The following RFX3 variants were observed in gnomAD, a reference collection of about 807,000 sequenced individuals.
The protein encoded by RFX3 is regulatory factor X3.
RFX3 carries 14 observed loss-of-function variants against 98.6 expected under a neutral mutation model. That is an observed-to-expected ratio of 0.14 (90% confidence interval 0.09 to 0.22). RFX3 has a LOEUF of 0.22. Among genes scored for constraint, RFX3 ranks in the 10% least tolerant of loss-of-function variants. The pLI is 1.00. For missense variants in RFX3, 639 were observed against 926.9 expected (o/e 0.69, Z 4.03); for synonymous variants, 383 against 328.4 (o/e 1.17, Z -1.80).
chr9:3,353,845 T>C (rs1417126222), intron 2 of RFX3, among the ~76,000 whole-genome samples: 2 of 151,578 alleles, frequency 1.3e-5, no homozygotes, highest in African/African-American at 4.8e-5. Flanking sequence ...AGGAGAAAAA[T>C]CAATCAATAG....
intron 14 of RFX3, 34 bp from the exon 15 acceptor site, chr9:3,248,219 C>A: frequency 6.4e-7 from 1 of 1,553,794 alleles, no homozygotes; most frequent in South Asian, 1.2e-5. Flanking sequence ...ATGCAGCTAA[C>A]ATTAGTGACA....
At chr9:3,292,520 C>T (rs1011209982) in intron 6 of RFX3, among the ~76,000 whole-genome samples, 4 of 152,160 alleles carry the variant, frequency 2.6e-5, no homozygotes, top group Admixed American at 2.0e-4. Flanking sequence ...TATCTCATCA[C>T]TGAGGAATTT....
chr9:3,227,761 C>T (rs1817952412), intron 16 of RFX3, among the ~76,000 whole-genome samples: 2 of 152,186 alleles, frequency 1.3e-5, no homozygotes. Flanking sequence ...TCATCATTGA[C>T]TTATTTTTCT....
chr9:3,353,364 A>C (rs1326502569), intron 2 of RFX3, among the ~76,000 whole-genome samples: 1 of 152,098 alleles, frequency 6.6e-6, no homozygotes. Flanking sequence ...AAAATAAAAT[A>C]AAATAAAGAA....
chr9:3,298,132 T>C (rs1586932149), intron 5 of RFX3, among the ~76,000 whole-genome samples: 1 of 151,776 alleles, frequency 6.6e-6, no homozygotes, highest in East Asian at 1.9e-4. Flanking sequence ...AATAGAATTC[T>C]GTAAAACCAA....
chr9:3,366,738 C>CTTTCTTTG, intron 2 of RFX3, among the ~76,000 whole-genome samples: 1 of 89,612 alleles, frequency 1.1e-5, no homozygotes, highest in Non-Finnish European at 2.4e-5. Flanking sequence ...TTCTTTCTTT[C>CTTTCTTTG]TTTCTTTCTT....
intron 11 of RFX3, among the ~76,000 whole-genome samples, chr9:3,267,344 C>T (rs777960190): frequency 7.2e-5 from 11 of 151,892 alleles, no homozygotes; most frequent in African/African-American, 2.2e-4. Flanking sequence ...TATTTTGGGC[C>T]GAGGTCCCCA....
chr9:3,447,534 AT>A (rs1379672788), intron 1 of RFX3, among the ~76,000 whole-genome samples: 1 of 152,112 alleles, frequency 6.6e-6, no homozygotes, highest in Non-Finnish European at 1.5e-5. Flanking sequence ...ATTTGTTTCG[AT>A]TTTTTTCTTT....
intron 4 of RFX3, among the ~76,000 whole-genome samples, chr9:3,310,204 T>A (rs1829802139): frequency 1.3e-5 from 2 of 152,034 alleles, no homozygotes; most frequent in African/African-American, 4.8e-5. Context: ...AGGTGTTGAG[T>A]CTTTTGTATG....
chr9:3,374,085 C>CA (rs1249125292), intron 2 of RFX3, among the ~76,000 whole-genome samples: 1 of 143,598 alleles, frequency 7.0e-6, no homozygotes, highest in Non-Finnish European at 1.5e-5. Flanking sequence ...CTCACACACA[C>CA]ACGCGCGCAC....
In RFX3 at chr9:3,224,738, C is replaced by A; in HGVS notation, c.*304G>T. 4.5e-6 allele frequency: 1 copy of A among 220,188 alleles called. No individual in the cohort carries two copies. The highest frequency in any genetic ancestry group is 9.0e-6 in the Non-Finnish European group (1 of 111,694). 13.6% of individuals were successfully genotyped at this position (220,188 alleles called of 1,614,324 possible). A position where few individuals can be genotyped will look rare whatever the true frequency, so the allele number is the denominator to read the frequency against. On this transcript the variant is annotated 3_prime_UTR_variant, in exon 17 of 17. Transcript: ENST00000617270. ...ATCAACAATAAAATATTTTAAGCTA[C>A]AAAAAATGTAAATTACTTTTTAATT... is the stretch of plus-strand genomic sequence containing the variant.
intron 1 of RFX3, among the ~76,000 whole-genome samples, chr9:3,454,254 G>C (rs1846946764): frequency 6.6e-6 from 1 of 152,040 alleles, no homozygotes; most frequent in African/African-American, 2.4e-5. Context: ...ATCTGTATTT[G>C]CATAGCTTCC....
chr9:3,308,137 C>A (rs369794369), intron 4 of RFX3, among the ~76,000 whole-genome samples: 64 of 152,144 alleles, frequency 4.2e-4, no homozygotes, highest in Middle Eastern at 3.4e-3. Context: ...TAAATGATCA[C>A]CCTGGGACTG....
rs372152821 is a variant in RFX3, at chr9:3,238,422, C to T, written c.1969-9533G>A. On this transcript the variant is annotated intron_variant, in intron 15 of 16. Transcript: ENST00000617270. Reference sequence around the variant, plus strand: ...AGAAGGGATGAAGTGCTTGTGTGTGCATGTGTTTGCTGGAATGGGGGTGAT... The same window carrying T: ...AGAAGGGATGAAGTGCTTGTGTGTGTATGTGTTTGCTGGAATGGGGGTGAT... 7.9e-5 allele frequency among the ~76,000 whole-genome samples: 12 copies of T among 152,280 alleles called. No homozygotes were observed. In the East Asian group the frequency reaches 1.2e-3, roughly 15 times the overall value.
intron 1 of RFX3, among the ~76,000 whole-genome samples, chr9:3,424,535 T>C (rs944034066): frequency 2.6e-5 from 4 of 151,168 alleles, no homozygotes; most frequent in African/African-American, 4.9e-5. Flanking sequence ...ATAATTTTTG[T>C]ATTTTTAGTA....
At chr9:3,328,966 C>A (rs1466147051) in intron 4 of RFX3, among the ~76,000 whole-genome samples, 1 of 152,128 alleles carries the variant, frequency 6.6e-6, no homozygotes, top group Non-Finnish European at 1.5e-5. Flanking sequence ...TATTTCATTG[C>A]TGCTTTAGCT....
intron 15 of RFX3, among the ~76,000 whole-genome samples, chr9:3,244,298 G>A (rs894838657): frequency 2.6e-5 from 4 of 152,118 alleles, no homozygotes; most frequent in African/African-American, 9.7e-5. Context: ...GAGCCACCAA[G>A]CCCGGCCTCT....
intron 1 of RFX3, among the ~76,000 whole-genome samples, chr9:3,522,916 T>C (rs1818862666): frequency 6.6e-6 from 1 of 152,168 alleles, no homozygotes; most frequent in Admixed American, 6.5e-5. Flanking sequence ...ACAGTAAGCT[T>C]ATAAACTATA....
In RFX3 at chr9:3,378,425, G is replaced by A. The variant is rs139586366; in HGVS notation, c.117+17047C>T. On this transcript the variant is annotated intron_variant, in intron 2 of 16. Transcript: ENST00000617270. ...GTGTAACAAACAAGTTGCATTTTTC[G>A]CCCCTCAGGATGCCTCATTCATATA... Among the ~76,000 whole-genome samples the A allele has an allele frequency of 7.4e-4, 112 of 151,872 alleles. 2 individuals carry two copies. In the East Asian group the frequency reaches 0.016, roughly 22 times the overall value.
Sources: allele counts gnomAD v4.1 joint callset (sites outside exome capture counted in the v4.1 genomes callset), GRCh38; gene constraint gnomAD v4.1.1; transcripts MANE v1.5; gene names NCBI Gene and HGNC (gene_info 2026-07-23, HGNC 2026-07-21).